The following CCDC186 variants were observed in gnomAD, a reference collection of about 807,000 sequenced individuals.
CCDC186 encodes the protein coiled-coil domain-containing protein 186.
In CCDC186, 49 loss-of-function variants were observed where a neutral mutation model predicts 113.7. The ratio of observed to expected loss-of-function variants is 0.43; its 90% CI spans 0.34 to 0.55. The LOEUF (loss-of-function observed/expected upper bound fraction) is 0.55. Among genes scored for constraint, CCDC186 ranks in the 20% least tolerant of loss-of-function variants. CCDC186 has a pLI of 0.02. For missense variants in CCDC186, 890 were observed against 1,011.1 expected, an observed-to-expected ratio of 0.88 and a Z score of 1.62; for synonymous variants, 355 against 345.8, an observed-to-expected ratio of 1.03 and a Z score of -0.30.
chr10:114,133,556 G>C (rs1275983719), intron 10 of CCDC186, among the ~76,000 whole-genome samples: 1 of 152,188 alleles, frequency 6.6e-6, no homozygotes, highest in Non-Finnish European at 1.5e-5. Flanking sequence ...GGCATTATGA[G>C]AGAAAGAGAA....
intron 3 of CCDC186, 60 bp downstream of exon 3, chr10:114,157,494 C>G: frequency 3.4e-6 from 5 of 1,478,374 alleles, no homozygotes; most frequent in Non-Finnish European, 4.5e-6. Flanking sequence ...AATCGGCTGC[C>G]AGGAATGTAT....
intron 1 of CCDC186, among the ~76,000 whole-genome samples, chr10:114,172,089 T>C (rs1180863425): frequency 6.6e-6 from 1 of 152,194 alleles, no homozygotes; most frequent in East Asian, 1.9e-4. Context: ...AAACCAGCTT[T>C]AGTTATTTTA....
At chr10:114,151,584 C>T (rs1006278813) in intron 3 of CCDC186, among the ~76,000 whole-genome samples, 14 of 151,764 alleles carry the variant, frequency 9.2e-5, no homozygotes, top group Admixed American at 6.6e-4. Context: ...TTTTCAATTG[C>T]ATGCCATTCT....
rs372669102 is a variant in CCDC186, at chr10:114,154,553, GAAC to G, written c.759+2998_759+3000del. On this transcript the variant is annotated intron_variant, in intron 3 of 15. Transcript: ENST00000369287. Reference sequence around the variant, plus strand: ...GAGACTGAATTAGCATAATAAAAAAGAACAACAACAACAAAAACCTACCCACAA... The same window carrying G: ...GAGACTGAATTAGCATAATAAAAAAGAACAACAACAAAAACCTACCCACAA... Among the ~76,000 whole-genome samples the G allele has an allele frequency of 4.2e-3, 642 of 152,096 alleles. 5 individuals carry two copies. The highest frequency in any genetic ancestry group is 0.015 in the African/African-American group (604 of 41,504).
In CCDC186 at chr10:114,162,515, A is replaced by G; in HGVS notation, c.632+122T>C. 4.3e-6 allele frequency: 3 copies of G among 692,520 alleles called. No homozygotes were observed. The East Asian group carries it at 8.5e-5, about 20-fold the overall frequency. 42.9% of individuals were successfully genotyped at this position (692,520 alleles called of 1,614,324 possible). A position where few individuals can be genotyped will look rare whatever the true frequency, so the allele number is the denominator to read the frequency against. On this transcript the variant is annotated intron_variant, in intron 2 of 15. Coordinates refer to ENST00000369287, the MANE Select transcript of CCDC186 (RefSeq NM_018017.4). ...ACTATACATTTATTGTTCAACTACT[A>G]TGTGCATGATTCTAATGTGCAAGTA...
chr10:114,157,082 A>G (rs2032031369), intron 3 of CCDC186, among the ~76,000 whole-genome samples: 1 of 152,142 alleles, frequency 6.6e-6, no homozygotes, highest in Non-Finnish European at 1.5e-5. Context: ...TATGAGTCCT[A>G]CTTTGTAAAG....
chr10:114,157,739 T>C (rs1221454218), intron 2 of CCDC186, 59 bp from the exon 3 acceptor site: 24 of 1,341,954 alleles, frequency 1.8e-5, no homozygotes, highest in Admixed American at 9.1e-5. Flanking sequence ...TAAAATAATA[T>C]GTGGAATATA....
intron 2 of CCDC186, among the ~76,000 whole-genome samples, chr10:114,158,245 A>G (rs2032067831): frequency 1.3e-5 from 2 of 152,264 alleles, no homozygotes; most frequent in Non-Finnish European, 2.9e-5. Context: ...TATTTTAATG[A>G]TAGTCTAATA....
intron 3 of CCDC186, among the ~76,000 whole-genome samples, chr10:114,153,255 A>G (rs1391987368): frequency 6.6e-6 from 1 of 152,238 alleles, no homozygotes; most frequent in African/African-American, 2.4e-5. Context: ...AATCATATGA[A>G]GCATATTCTC....
At chr10:114,167,006 T>G (rs2119819333) in intron 1 of CCDC186, among the ~76,000 whole-genome samples, 1 of 151,300 alleles carries the variant, frequency 6.6e-6, no homozygotes, top group Admixed American at 6.6e-5. Context: ...CTACTTAGCT[T>G]GCAAGCTGGT....
chr10:114,123,415 AT>A lies in CCDC186; in HGVS notation c.*1727del, dbSNP rs547564255. ...TAAATAATCTAATCCTTAGTAAATT[AT>A]TTTTAAACGATGTTGATTAAAAAAT... On this transcript the variant is annotated 3_prime_UTR_variant, in exon 16 of 16. Coordinates refer to ENST00000369287, the MANE Select transcript of CCDC186 (RefSeq NM_018017.4). The A allele has an allele frequency of 7.6e-4, 116 of 152,308 alleles. 2 individuals are homozygous for A. The highest frequency in any genetic ancestry group is 3.7e-3 in the Admixed American group (56 of 15,290). The allele number at this position is 152,308 out of a possible 1,614,324, so 9.4% of individuals were successfully genotyped here.
At chr10:114,128,309 T>C (rs117506775) in intron 13 of CCDC186, among the ~76,000 whole-genome samples, 2,068 of 152,338 alleles carry the variant, frequency 0.014, 33 homozygotes, top group Non-Finnish European at 0.02. Context: ...CTACAAAGAT[T>C]AGTTTTTTCC....
At chr10:114,150,982 T>A in intron 4 of CCDC186, 110 bp downstream of exon 4, 1 of 1,245,642 alleles carries the variant, frequency 8.0e-7, no homozygotes, top group Non-Finnish European at 1.1e-6. Context: ...AAGAATCACC[T>A]AGTATTAATA....
At chr10:114,153,247 T>C (rs1410936338) in intron 3 of CCDC186, among the ~76,000 whole-genome samples, 1 of 152,064 alleles carries the variant, frequency 6.6e-6, no homozygotes, top group Non-Finnish European at 1.5e-5. Context: ...AAGATTAAAA[T>C]CATATGAAGC....
intron 6 of CCDC186, among the ~76,000 whole-genome samples, chr10:114,137,911 C>A (rs541381996): frequency 2.0e-5 from 3 of 152,118 alleles, no homozygotes; most frequent in African/African-American, 7.2e-5. Context: ...TGGCGCATGC[C>A]TGTAACCTCA....
At chr10:114,145,911 G>T in intron 4 of CCDC186, 150 bp from the exon 5 acceptor site, 2 of 705,958 alleles carry the variant, frequency 2.8e-6, no homozygotes, top group Non-Finnish European at 4.3e-6. Context: ...ATTTTAAAAT[G>T]AAAGAAAAAA....
chr10:114,146,298 G>C (rs1189566118), intron 4 of CCDC186, among the ~76,000 whole-genome samples: 1 of 152,214 alleles, frequency 6.6e-6, no homozygotes, highest in East Asian at 1.9e-4. Flanking sequence ...CAGCAGCCCT[G>C]AAATTCTGCA....
intron 12 of CCDC186, chr10:114,130,601 G>C (rs971609382): frequency 6.6e-6 from 1 of 152,166 alleles, no homozygotes; most frequent in South Asian, 2.1e-4. Flanking sequence ...CCCAGGTGAA[G>C]AGTTAAGTCG....
intron 10 of CCDC186, among the ~76,000 whole-genome samples, chr10:114,133,404 G>T (rs1478622803): frequency 6.6e-6 from 1 of 152,150 alleles, no homozygotes; most frequent in Non-Finnish European, 1.5e-5. Flanking sequence ...AACCGATTTT[G>T]GAAATGCTAA....
Sources: gnomAD v4.1 joint callset for allele counts (sites outside exome capture counted in the v4.1 genomes callset) on GRCh38, gnomAD v4.1.1 for gene constraint, MANE v1.5 for transcripts, NCBI Gene and HGNC (gene_info 2026-07-23, HGNC 2026-07-21) for gene names.